The following THSD4 variants were observed in gnomAD, a reference collection of about 807,000 sequenced individuals.
THSD4 encodes thrombospondin type-1 domain-containing protein 4.
A neutral mutation model predicts 119.0 loss-of-function variants in THSD4; 69 were observed. That is an observed-to-expected ratio of 0.58 (90% CI 0.48 to 0.71). THSD4 has a LOEUF of 0.71. Ranked by LOEUF, THSD4 falls within the 30% of genes least tolerant of loss-of-function variation. The pLI is 0.00. For missense variants in THSD4, 1,393 were observed against 1,391.1 expected (o/e 1.00, Z -0.02); for synonymous variants, 524 against 540.4 (o/e 0.97, Z 0.42).
At position 71,256,607 on chromosome 15, in the gene THSD4, T is replaced by C. The variant is rs750912873; in HGVS notation, c.913-6T>C. The stretch of plus-strand genomic sequence containing the variant: ...CTAATTGCATATTTAATATCTGCTT[T>C]ATTAGGTATGTCCAGAAAGCAGTAG... On this transcript the variant is annotated splice_polypyrimidine_tract_variant and splice_region_variant and intron_variant, in intron 5 of 17. Transcript: ENST00000261862. The C allele has an allele frequency of 3.1e-6, 5 of 1,613,294 alleles. No homozygotes were observed. The East Asian group carries it at 1.1e-4, about 36-fold the overall frequency.
chr15:71,777,448 C>T lies in THSD4; in HGVS notation c.*74C>T. The T allele has an allele frequency of 6.5e-7, 1 of 1,534,510 alleles. No homozygotes were observed. The highest frequency in any genetic ancestry group is 8.8e-7 in the Non-Finnish European group (1 of 1,142,414). ...CTTCAGCAGTGCGCCTGGCTGGCTG[C>T]TGCTCCACCACGGGCCCCCTGGCCC... On this transcript the variant is annotated 3_prime_UTR_variant, in exon 18 of 18. Transcript: ENST00000261862.
chr15:71,122,037 A>G (rs2040413284), intron 1 of THSD4, among the ~76,000 whole-genome samples: 3 of 152,148 alleles, frequency 2.0e-5, no homozygotes, highest in Admixed American at 2.0e-4. Context: ...AAGTCTCATT[A>G]CAGGGCGTGT....
chr15:71,339,825 C>G (rs1472753579), intron 6 of THSD4, among the ~76,000 whole-genome samples: 1 of 151,784 alleles, frequency 6.6e-6, no homozygotes, highest in East Asian at 1.9e-4. Flanking sequence ...AGTGCAGTGG[C>G]GCGATCTCCG....
chr15:71,720,072 T>C (rs2141110712), intron 8 of THSD4, among the ~76,000 whole-genome samples: 1 of 145,254 alleles, frequency 6.9e-6, no homozygotes, highest in South Asian at 2.3e-4. Flanking sequence ...TCCCACTCTG[T>C]TTGAGACAGG....
Position 71,412,185 on chromosome 15 carries a change from G to A in THSD4, c.1152+362G>A, listed in dbSNP as rs142762877. ...CTGGTTTAATCAAGAATTGGTTGGC[G>A]TCATGAGGGTGGCATTTTAAGGGAA... On this transcript the variant is annotated intron_variant, in intron 7 of 17. Coordinates refer to ENST00000261862, the MANE Select transcript of THSD4 (RefSeq NM_024817.3). Among the ~76,000 whole-genome samples the A allele has an allele frequency of 7.5e-4, 114 of 152,328 alleles. 2 individuals carry two copies. In the East Asian group the frequency reaches 0.02, roughly 26 times the overall value.
chr15:71,111,357 A>C (rs1427594593), upstream of THSD4: 2 of 1,613,846 alleles, frequency 1.2e-6, no homozygotes, highest in Admixed American at 1.7e-5. Flanking sequence ...TGTGGGTTAC[A>C]GGTCAAGTAG....
intron 7 of THSD4, among the ~76,000 whole-genome samples, chr15:71,480,913 C>T (rs2047721052): frequency 6.6e-6 from 1 of 152,134 alleles, no homozygotes; most frequent in Non-Finnish European, 1.5e-5. Flanking sequence ...CATGAACACC[C>T]CATGCATGCA....
chr15:71,295,618 A>T (rs2044852074), intron 6 of THSD4, among the ~76,000 whole-genome samples: 1 of 152,066 alleles, frequency 6.6e-6, no homozygotes, highest in African/African-American at 2.4e-5. Flanking sequence ...TTGCACAGTA[A>T]GTATATTGGA....
At chr15:71,247,051 C>G (rs2044209735) in intron 5 of THSD4, among the ~76,000 whole-genome samples, 1 of 152,058 alleles carries the variant, frequency 6.6e-6, no homozygotes, top group South Asian at 2.1e-4. Flanking sequence ...GTGCACAACA[C>G]CATACCTGGC....
intron 7 of THSD4, among the ~76,000 whole-genome samples, chr15:71,481,603 C>G (rs2047730630): frequency 1.3e-5 from 2 of 152,294 alleles, no homozygotes; most frequent in East Asian, 1.9e-4. Flanking sequence ...TTTAGCCAGT[C>G]CTTCCTTTTT....
intron 7 of THSD4, among the ~76,000 whole-genome samples, chr15:71,467,562 C>A (rs766040926): frequency 1.3e-5 from 2 of 152,138 alleles, no homozygotes; most frequent in Non-Finnish European, 2.9e-5. Context: ...GGATGCTTCT[C>A]TTCTCTGAGT....
At chr15:71,414,071 G>A (rs930759348) in intron 7 of THSD4, among the ~76,000 whole-genome samples, 7 of 152,178 alleles carry the variant, frequency 4.6e-5, no homozygotes, top group Admixed American at 1.3e-4. Context: ...CTCCGAAGTC[G>A]GATTGCCTGG....
At chr15:71,209,545 C>T (rs987671662) in intron 3 of THSD4, among the ~76,000 whole-genome samples, 1 of 152,230 alleles carries the variant, frequency 6.6e-6, no homozygotes, top group Non-Finnish European at 1.5e-5. Flanking sequence ...TTACCTCTTT[C>T]ATAGAAGGCT....
chr15:71,687,417 C>T (rs181345234), intron 8 of THSD4, among the ~76,000 whole-genome samples: 3 of 152,208 alleles, frequency 2.0e-5, no homozygotes, highest in Admixed American at 6.5e-5. Context: ...CATAAGAGAC[C>T]GTGAAAAACC....
chr15:71,301,388 T>C (rs2044948770), intron 6 of THSD4, among the ~76,000 whole-genome samples: 1 of 152,234 alleles, frequency 6.6e-6, no homozygotes, highest in Non-Finnish European at 1.5e-5. Flanking sequence ...GCTCCAAGTA[T>C]CTCATTTATA....
intron 7 of THSD4, among the ~76,000 whole-genome samples, chr15:71,497,595 A>G (rs866532864): frequency 2.0e-5 from 3 of 152,074 alleles, no homozygotes; most frequent in Middle Eastern, 3.4e-3. Flanking sequence ...TTTAAAATAA[A>G]TTTATTTTGT....
chr15:71,738,184 G>A (rs76526814), intron 11 of THSD4, 177 bp downstream of exon 11: 58 of 775,358 alleles, frequency 7.5e-5, no homozygotes, highest in East Asian at 3.8e-4. Context: ...CTGCCCTATC[G>A]CAGATCATCA....
intron 3 of THSD4, among the ~76,000 whole-genome samples, chr15:71,198,293 G>A (rs183379433): frequency 4.6e-5 from 7 of 151,936 alleles, no homozygotes; most frequent in Admixed American, 2.0e-4. Context: ...TGGAGAATGC[G>A]GTGGGGAAAA....
chr15:71,158,834 C>A (rs1358024907), intron 3 of THSD4, among the ~76,000 whole-genome samples: 1 of 152,130 alleles, frequency 6.6e-6, no homozygotes, highest in Admixed American at 6.5e-5. Context: ...AGTTTGATGT[C>A]ATTCCATTTG....
Sources: allele counts gnomAD v4.1 joint callset (sites outside exome capture counted in the v4.1 genomes callset), GRCh38; gene constraint gnomAD v4.1.1; transcripts MANE v1.5; gene names NCBI Gene and HGNC (gene_info 2026-07-23, HGNC 2026-07-21).